Variants in TRPC6 observed in about 807,000 individuals in gnomAD.
TRPC6 encodes the protein short transient receptor potential channel 6.
TRPC6 carries 55 observed loss-of-function variants against 90.7 expected under a neutral mutation model. That is an observed-to-expected ratio of 0.61 (90% CI 0.49 to 0.76). The LOEUF (loss-of-function observed/expected upper bound fraction) is 0.76. TRPC6 is among the 30% of genes least tolerant of loss of function. The probability of loss-of-function intolerance (pLI) is 0.00; values close to 1 mark genes in which losing one functional copy is unlikely to be tolerated. For missense variants in TRPC6, 989 were observed against 1,122.7 expected, an observed-to-expected ratio of 0.88 and a Z score of 1.70; for synonymous variants, 393 against 393.0, an observed-to-expected ratio of 1.00 and a Z score of 0.00.
At chr11:101,475,140 T>A (rs952210270) in intron 6 of TRPC6, among the ~76,000 whole-genome samples, 2 of 152,226 alleles carry the variant, frequency 1.3e-5, no homozygotes, top group Non-Finnish European at 2.9e-5. Context: ...GGTGATGATC[T>A]GGCCTCCATA....
At chr11:101,479,949 TG>T (rs1859511743) in intron 5 of TRPC6, among the ~76,000 whole-genome samples, 1 of 152,016 alleles carries the variant, frequency 6.6e-6, no homozygotes, top group African/African-American at 2.4e-5. Context: ...GAGGCCGAGG[TG>T]GGCAGATCAC....
intron 4 of TRPC6, among the ~76,000 whole-genome samples, chr11:101,487,876 G>T (rs1859712924): frequency 6.6e-6 from 1 of 152,012 alleles, no homozygotes; most frequent in Admixed American, 6.6e-5. Context: ...TGTCTAAAAG[G>T]CTTTGCACAA....
chr11:101,520,469 G>A (rs191919393), intron 1 of TRPC6, among the ~76,000 whole-genome samples: 2 of 152,298 alleles, frequency 1.3e-5, no homozygotes, highest in Admixed American at 1.3e-4. Flanking sequence ...TTGCTATAAA[G>A]ATACCTAAAA....
chr11:101,548,681 TA>T (rs75033659), intron 1 of TRPC6, among the ~76,000 whole-genome samples: 36,542 of 150,838 alleles, frequency 0.24, 4,746 homozygotes, highest in East Asian at 0.4. Flanking sequence ...TGCTTATTTA[TA>T]AAAAAGAAAA....
intron 6 of TRPC6, among the ~76,000 whole-genome samples, chr11:101,475,140 T>C (rs952210270): frequency 2.0e-5 from 3 of 152,226 alleles, no homozygotes; most frequent in Non-Finnish European, 4.4e-5. Context: ...GGTGATGATC[T>C]GGCCTCCATA....
rs1858789903 is a variant in TRPC6, at chr11:101,452,689, G to GTTAGT, written c.*261_*265dup. ...ACATGGCAATGACATCATCACAAGA[G>GTTAGT]TTAGTTATATCCAAGAAAGCAGTTT... On this transcript the variant is annotated 3_prime_UTR_variant, in exon 13 of 13. Transcript: ENST00000344327. 1 of 440,606 alleles carries GTTAGT rather than the reference G, an allele frequency of 2.3e-6. No homozygotes were observed. The highest frequency in any genetic ancestry group is 2.0e-5 in the African/African-American group (1 of 50,412). 27.3% of individuals were successfully genotyped at this position (440,606 alleles called of 1,614,324 possible).
intron 1 of TRPC6, among the ~76,000 whole-genome samples, chr11:101,558,030 T>C (rs971150398): frequency 3.4e-4 from 52 of 151,886 alleles, no homozygotes; most frequent in African/African-American, 1.3e-3. Context: ...AGAAAAACAG[T>C]CCTAAAATTC....
At chr11:101,506,610 CAA>C (rs909917432) in intron 1 of TRPC6, among the ~76,000 whole-genome samples, 6 of 151,826 alleles carry the variant, frequency 4.0e-5, no homozygotes, top group African/African-American at 1.5e-4. Context: ...ATGTTTTTTT[CAA>C]AGAGACAACT....
intron 1 of TRPC6, among the ~76,000 whole-genome samples, chr11:101,549,092 G>A (rs950469302): frequency 4.0e-5 from 6 of 151,834 alleles, no homozygotes; most frequent in Admixed American, 2.0e-4. Flanking sequence ...AAGATTGTGA[G>A]ATGTACAGAT....
intron 1 of TRPC6, among the ~76,000 whole-genome samples, chr11:101,546,285 G>C (rs1372245590): frequency 2.7e-5 from 2 of 74,312 alleles, no homozygotes; most frequent in Admixed American, 3.1e-4. Flanking sequence ...TGTTAGCCAG[G>C]ATGGTCTCGA....
intron 1 of TRPC6, among the ~76,000 whole-genome samples, chr11:101,581,054 G>C (rs1862186179): frequency 6.6e-6 from 1 of 152,162 alleles, no homozygotes; most frequent in Non-Finnish European, 1.5e-5. Flanking sequence ...GAACCTTTTG[G>C]AAATAATAGA....
chr11:101,516,460 C>G (rs190031179), intron 1 of TRPC6, among the ~76,000 whole-genome samples: 6 of 152,294 alleles, frequency 3.9e-5, no homozygotes, highest in African/African-American at 9.6e-5. Flanking sequence ...CTATCTTCCC[C>G]TGAACCCCAA....
At chr11:101,493,761 G>T (rs1001347162) in intron 2 of TRPC6, among the ~76,000 whole-genome samples, 1 of 152,144 alleles carries the variant, frequency 6.6e-6, no homozygotes, top group East Asian at 1.9e-4. Context: ...AGGATGAAAA[G>T]ATTTCTTTGG....
chr11:101,567,747 C>G (rs1173878751), intron 1 of TRPC6, among the ~76,000 whole-genome samples: 1 of 152,212 alleles, frequency 6.6e-6, no homozygotes, highest in African/African-American at 2.4e-5. Flanking sequence ...GGACCTCCAG[C>G]ACATTCCAGC....
At position 101,483,285 on chromosome 11, in the gene TRPC6, T is replaced by C. The variant is rs530698247; in HGVS notation, c.1294-120A>G. The C allele has an allele frequency of 1.7e-6, 2 of 1,180,746 alleles. 1 individual carries two copies. The highest frequency in any genetic ancestry group is 3.0e-5 in the African/African-American group (2 of 65,928). The allele number at this position is 1,180,746 out of a possible 1,614,324, so 73.1% of individuals were successfully genotyped here. A position where few individuals can be genotyped will look rare whatever the true frequency, so the allele number is the denominator to read the frequency against. The stretch of plus-strand genomic sequence containing the variant: ...CCAATGATCTCCTGAGATAATTGTT[T>C]ATATTTATGTAATTCGTGATAGAGT... On this transcript the variant is annotated intron_variant, in intron 4 of 12. Coordinates refer to ENST00000344327, the MANE Select transcript of TRPC6 (RefSeq NM_004621.6).
chr11:101,544,635 AAAAC>A (rs1442756407), intron 1 of TRPC6, among the ~76,000 whole-genome samples: 1 of 152,160 alleles, frequency 6.6e-6, no homozygotes, highest in Non-Finnish European at 1.5e-5. Context: ...CAGGAACAGA[AAAAC>A]AAACACCACA....
At chr11:101,523,102 A>C (rs1277815499) in intron 1 of TRPC6, among the ~76,000 whole-genome samples, 1 of 152,200 alleles carries the variant, frequency 6.6e-6, no homozygotes, top group Non-Finnish European at 1.5e-5. Context: ...AATTTGGCAA[A>C]TTGGGCATCA....
intron 6 of TRPC6, 131 bp downstream of exon 6, chr11:101,476,170 T>C: frequency 1.3e-6 from 1 of 743,978 alleles, no homozygotes; most frequent in Non-Finnish European, 2.3e-6. Context: ...TAGATGCTCA[T>C]TCTTCAGATA....
At chr11:101,522,046 T>G (rs755433565) in intron 1 of TRPC6, among the ~76,000 whole-genome samples, 16 of 152,208 alleles carry the variant, frequency 1.1e-4, no homozygotes, top group Non-Finnish European at 2.2e-4. Flanking sequence ...CTGAAATTAG[T>G]TAAGACTTGG....
Sources: allele counts gnomAD v4.1 joint callset (sites outside exome capture counted in the v4.1 genomes callset), GRCh38; gene constraint gnomAD v4.1.1; transcripts MANE v1.5; gene names NCBI Gene and HGNC (gene_info 2026-07-23, HGNC 2026-07-21).